The following NCAM2 variants were observed in gnomAD, a reference collection of about 807,000 sequenced individuals.
The protein encoded by NCAM2 is N-CAM-2.
A neutral mutation model predicts 98.1 loss-of-function variants in NCAM2; 30 were observed. That is an observed-to-expected ratio of 0.31 (90% confidence interval 0.23 to 0.41). The LOEUF (loss-of-function observed/expected upper bound fraction) is 0.41. Among genes scored for constraint, NCAM2 ranks in the 10% least tolerant of loss-of-function variants. NCAM2 has a pLI of 1.00. For synonymous variants in NCAM2, 368 were observed against 342.4 expected (o/e 1.07, Z -0.83); for missense variants, 867 against 1,005.8 (o/e 0.86, Z 1.87).
chr21:21,250,618 G>A (rs1036016382), intron 1 of NCAM2, among the ~76,000 whole-genome samples: 6 of 152,056 alleles, frequency 3.9e-5, no homozygotes, highest in African/African-American at 1.2e-4. Flanking sequence ...GAATGGTTTC[G>A]CAGAAGTCAT....
At chr21:21,207,049 A>G (rs2069462471) in intron 1 of NCAM2, among the ~76,000 whole-genome samples, 1 of 152,164 alleles carries the variant, frequency 6.6e-6, no homozygotes, top group Non-Finnish European at 1.5e-5. Context: ...TTTCACATTT[A>G]CTTTAGAAAA....
intron 1 of NCAM2, among the ~76,000 whole-genome samples, chr21:21,014,159 C>T (rs561409739): frequency 2.7e-4 from 41 of 152,236 alleles, no homozygotes; most frequent in South Asian, 2.3e-3. Context: ...TTAAGAATTA[C>T]GCTAAGTCGT....
At chr21:21,422,391 A>T (rs1271298373) in intron 11 of NCAM2, among the ~76,000 whole-genome samples, 1 of 152,270 alleles carries the variant, frequency 6.6e-6, no homozygotes, top group Middle Eastern at 3.4e-3. Context: ...TAAAAGCCCA[A>T]ACTTTGCTAG....
chr21:21,413,403 G>C (rs989158856), intron 10 of NCAM2, among the ~76,000 whole-genome samples: 3 of 152,074 alleles, frequency 2.0e-5, no homozygotes, highest in Non-Finnish European at 2.9e-5. Context: ...TATACACTTA[G>C]CTTATATTTA....
intron 11 of NCAM2, among the ~76,000 whole-genome samples, chr21:21,424,368 A>C (rs1338575563): frequency 6.6e-6 from 1 of 152,206 alleles, no homozygotes; most frequent in Non-Finnish European, 1.5e-5. Flanking sequence ...GGTAAATAAT[A>C]CATGGCATCT....
chr21:21,256,774 G>A (rs1007035302), intron 1 of NCAM2, among the ~76,000 whole-genome samples: 3 of 152,096 alleles, frequency 2.0e-5, no homozygotes, highest in Non-Finnish European at 4.4e-5. Context: ...AAGAGAAGTC[G>A]AGTCATTTCT....
chr21:21,432,290 A>T lies in NCAM2; in HGVS notation c.1654+9A>T. On this transcript the variant is annotated intron_variant, in intron 12 of 17. Transcript: ENST00000400546. ...CTCCCATGGAGTTCAAAGTGAGTCAACAATTTCAAAATGTGTTGGTTAATT... is the reference window on the plus strand; with the variant it reads ...CTCCCATGGAGTTCAAAGTGAGTCATCAATTTCAAAATGTGTTGGTTAATT... 1 of 1,610,904 alleles carries T rather than the reference A, an allele frequency of 6.2e-7. No individual in the cohort carries two copies. The highest frequency in any genetic ancestry group is 8.5e-7 in the Non-Finnish European group (1 of 1,177,648).
chr21:21,339,522 T>C (rs74790947), intron 8 of NCAM2, among the ~76,000 whole-genome samples: 1,932 of 152,126 alleles, frequency 0.013, 43 homozygotes, highest in African/African-American at 0.044. Context: ...GTGAAGATTA[T>C]AACATTAGGC....
At chr21:21,435,278 AT>A (rs1351910225) in intron 12 of NCAM2, among the ~76,000 whole-genome samples, 1 of 152,190 alleles carries the variant, frequency 6.6e-6, no homozygotes, top group Non-Finnish European at 1.5e-5. Flanking sequence ...TTAAAGAGAC[AT>A]AGTAGATCAA....
At position 21,410,420 on chromosome 21, in the gene NCAM2, A is replaced by G; in HGVS notation, c.1342A>G (p.Asn448Asp). 6.3e-7 allele frequency: 1 copy of G among 1,592,510 alleles called. No individual in the cohort carries two copies. The highest frequency in any genetic ancestry group is 8.6e-7 in the Non-Finnish European group (1 of 1,168,822). Residue 448 changes from asparagine (N) to aspartate (D), a missense_variant, in exon 10 of 18, where the codon AAT (asparagine) becomes GAT (aspartate). Physicochemically the swap from Asn to Asp is conservative, Grantham distance 23. Coordinates refer to ENST00000400546, the MANE Select transcript of NCAM2 (RefSeq NM_004540.5). ...AGTCTTACCTGCTAAAAACACGACC[A>G]ATTTAAAGACTTATAGTACAGGAAG... Reference protein sequence around the residue: ...KLVLPAKNTTNLKTYSTGRKM... With the variant: ...KLVLPAKNTTDLKTYSTGRKM...
chr21:21,500,211 C>T (rs1987537336), intron 15 of NCAM2, among the ~76,000 whole-genome samples: 1 of 152,042 alleles, frequency 6.6e-6, no homozygotes, highest in Non-Finnish European at 1.5e-5. Flanking sequence ...TTTAATCATC[C>T]TTGCTAATGA....
chr21:21,359,362 T>C (rs2075581925), intron 8 of NCAM2, among the ~76,000 whole-genome samples: 1 of 152,006 alleles, frequency 6.6e-6, no homozygotes, highest in African/African-American at 2.4e-5. Flanking sequence ...TTCAATCATT[T>C]ACAACTTTCT....
intron 1 of NCAM2, among the ~76,000 whole-genome samples, chr21:21,020,580 A>T (rs564820219): frequency 3.3e-4 from 50 of 152,290 alleles, no homozygotes; most frequent in African/African-American, 1.2e-3. Flanking sequence ...CGCAATTCTA[A>T]GTAAGGCTCC....
intron 1 of NCAM2, among the ~76,000 whole-genome samples, chr21:21,181,425 A>G (rs1281160324): frequency 6.6e-6 from 1 of 152,200 alleles, no homozygotes; most frequent in African/African-American, 2.4e-5. Flanking sequence ...GCAGAATTAC[A>G]TAGTTTACAA....
chr21:21,283,013 A>T (rs115715782), intron 2 of NCAM2, among the ~76,000 whole-genome samples: 2,154 of 152,042 alleles, frequency 0.014, 48 homozygotes, highest in African/African-American at 0.05. Flanking sequence ...GAATGTTTAA[A>T]TTATTTTTTG....
At chr21:21,158,001 G>C (rs1302650809) in intron 1 of NCAM2, among the ~76,000 whole-genome samples, 3 of 152,142 alleles carry the variant, frequency 2.0e-5, no homozygotes, top group Non-Finnish European at 2.9e-5. Context: ...GCCTGGGCCT[G>C]AACCTCACTT....
intron 1 of NCAM2, among the ~76,000 whole-genome samples, chr21:21,075,983 G>A (rs1456210608): frequency 6.6e-6 from 1 of 151,892 alleles, no homozygotes; most frequent in Non-Finnish European, 1.5e-5. Flanking sequence ...CAGGCATGGT[G>A]GCATCTGCCT....
intron 15 of NCAM2, among the ~76,000 whole-genome samples, chr21:21,496,071 A>G (rs1392330456): frequency 1.3e-5 from 2 of 150,726 alleles, no homozygotes; most frequent in Non-Finnish European, 3.0e-5. Flanking sequence ...CAGCACAATG[A>G]TGAACATATG....
intron 1 of NCAM2, among the ~76,000 whole-genome samples, chr21:21,131,637 C>T (rs1029166522): frequency 3.3e-5 from 5 of 152,216 alleles, no homozygotes; most frequent in African/African-American, 1.2e-4. Flanking sequence ...TATTGACTTA[C>T]ATGTGTGTAG....
Sources: allele counts gnomAD v4.1 joint callset (sites outside exome capture counted in the v4.1 genomes callset), GRCh38; gene constraint gnomAD v4.1.1; transcripts MANE v1.5; gene names NCBI Gene and HGNC (gene_info 2026-07-23, HGNC 2026-07-21).